Variants in MLIP observed in about 807,000 individuals in gnomAD.
MLIP encodes muscular LMNA-interacting protein.
A neutral mutation model predicts 84.8 loss-of-function variants in MLIP; 79 were observed. The ratio of observed to expected loss-of-function variants is 0.93; its 90% CI spans 0.78 to 1.12. MLIP has a LOEUF of 1.12. Ranked by LOEUF, MLIP falls within the 50% of genes most tolerant of loss-of-function variation. The pLI is 0.00. For synonymous variants in MLIP, 504 were observed against 463.0 expected (o/e 1.09, Z -1.14); for missense variants, 1,257 against 1,160.6 (o/e 1.08, Z -1.21).
rs889579334 is a variant in MLIP at position 54,095,447 on chromosome 6, C to CT, written c.64-25993dup. On this transcript the variant is annotated intron_variant, in intron 1 of 12. Coordinates refer to the MLIP transcript ENST00000274897. ...TAATAACTGTTATTTGTCTTTCGTG[C>CT]TTTTTTTCCCCACTGTTGCTGTCCT... 3.5e-4 allele frequency among the ~76,000 whole-genome samples: 53 copies of CT among 152,158 alleles called. No individual in the cohort carries two copies. The South Asian group carries it at 5.6e-3, about 16-fold the overall frequency.
At chr6:54,169,477 T>G (rs1391300660) in intron 8 of MLIP, 51 bp from the exon 9 acceptor site, 1 of 1,289,680 alleles carries the variant, frequency 7.8e-7, no homozygotes, top group Non-Finnish European at 1.1e-6. Flanking sequence ...TTGAGTCTAT[T>G]ATTATTTACT....
intron 1 of MLIP, chr6:54,043,399 T>C (rs1287033964): frequency 1.3e-5 from 2 of 152,206 alleles, no homozygotes; most frequent in Admixed American, 6.5e-5. Flanking sequence ...AAATGATCCA[T>C]CTTGAAAGGC....
At chr6:54,245,337 G>A (rs1392665873) in intron 12 of MLIP, among the ~76,000 whole-genome samples, 1 of 152,146 alleles carries the variant, frequency 6.6e-6, no homozygotes, top group Non-Finnish European at 1.5e-5. Context: ...GGCCAGCCTT[G>A]ACTTAATTCA....
At chr6:54,029,292 G>C (rs1763992934) in intron 1 of MLIP, 1 of 152,240 alleles carries the variant, frequency 6.6e-6, no homozygotes, top group African/African-American at 2.4e-5. Context: ...GGGCTTTTAA[G>C]AGGTGATGAA....
intron 9 of MLIP, among the ~76,000 whole-genome samples, chr6:54,174,946 T>C (rs1776135554): frequency 6.6e-6 from 1 of 151,922 alleles, no homozygotes; most frequent in African/African-American, 2.4e-5. Flanking sequence ...ATAGGGGGTC[T>C]AGTTTTATTC....
intron 1 of MLIP, among the ~76,000 whole-genome samples, chr6:54,093,040 C>G (rs1767964298): frequency 1.3e-5 from 2 of 152,050 alleles, no homozygotes; most frequent in South Asian, 2.1e-4. Context: ...CCATGCCCAG[C>G]TAATTTTTGT....
intron 2 of MLIP, among the ~76,000 whole-genome samples, chr6:54,123,100 A>T (rs1582200835): frequency 6.8e-6 from 1 of 147,900 alleles, no homozygotes; most frequent in Non-Finnish European, 1.5e-5. Flanking sequence ...CGCCCGGCTA[A>T]TTTTTTTTGT....
At chr6:54,232,245 T>C (rs576956133) in intron 12 of MLIP, among the ~76,000 whole-genome samples, 4 of 152,300 alleles carry the variant, frequency 2.6e-5, no homozygotes, top group African/African-American at 7.2e-5. Context: ...TAAATTGTCA[T>C]CTATATGATA....
chr6:54,220,625 G>A (rs1296950976), intron 11 of MLIP, among the ~76,000 whole-genome samples: 1 of 151,984 alleles, frequency 6.6e-6, no homozygotes. Context: ...TTATGCAGTT[G>A]GATCAAAGTA....
At chr6:54,084,373 G>T (rs1238355353) in intron 1 of MLIP, among the ~76,000 whole-genome samples, 1 of 152,124 alleles carries the variant, frequency 6.6e-6, no homozygotes, top group Non-Finnish European at 1.5e-5. Context: ...TTACTGCTGG[G>T]TGTGTCAAGC....
intron 11 of MLIP, chr6:54,215,304 A>G (rs988534319): frequency 2.1e-6 from 3 of 1,412,504 alleles, no homozygotes; most frequent in Non-Finnish European, 2.8e-6. Context: ...TGGCAAGAAC[A>G]TGGGCTCTTG....
intron 1 of MLIP, among the ~76,000 whole-genome samples, chr6:54,037,944 A>T (rs955137224): frequency 6.6e-6 from 1 of 151,988 alleles, no homozygotes; most frequent in Non-Finnish European, 1.5e-5. Flanking sequence ...TCTACTGATG[A>T]TATTTTTGTG....
intron 4 of MLIP, among the ~76,000 whole-genome samples, chr6:54,142,946 T>C (rs1772447529): frequency 6.6e-6 from 1 of 152,138 alleles, no homozygotes. Context: ...ACTAGCCTTA[T>C]GTGCTTTCTT....
chr6:54,160,859 A>G (rs959301196), intron 8 of MLIP, 60 bp downstream of exon 8: 2 of 1,401,520 alleles, frequency 1.4e-6, no homozygotes, highest in African/African-American at 2.9e-5. Flanking sequence ...AATGATTTCC[A>G]AACTGCAAGT....
At chr6:54,168,952 A>G (rs1469437353) in intron 8 of MLIP, among the ~76,000 whole-genome samples, 2 of 150,864 alleles carry the variant, frequency 1.3e-5, no homozygotes, top group African/African-American at 2.4e-5. Flanking sequence ...ATTAAATAAT[A>G]TGAGATAAGA....
At chr6:54,034,166 A>G (rs980576273) in intron 1 of MLIP, among the ~76,000 whole-genome samples, 1 of 152,218 alleles carries the variant, frequency 6.6e-6, no homozygotes, top group African/African-American at 2.4e-5. Flanking sequence ...AAAACGAACC[A>G]AAAAGAAAAT....
At chr6:54,208,005 G>A (rs1424760609) in intron 11 of MLIP, among the ~76,000 whole-genome samples, 2 of 152,118 alleles carry the variant, frequency 1.3e-5, no homozygotes, top group Non-Finnish European at 1.5e-5. Context: ...GCGGGTGCCT[G>A]TGGTCCCAGC....
At chr6:54,235,077 TG>T (rs2150817437) in intron 12 of MLIP, among the ~76,000 whole-genome samples, 1 of 152,362 alleles carries the variant, frequency 6.6e-6, no homozygotes, top group Admixed American at 6.5e-5. Flanking sequence ...TTTCTACTTC[TG>T]TGATGAAAAT....
chr6:54,140,085 T>C (rs1231389837), intron 4 of MLIP, among the ~76,000 whole-genome samples: 2 of 152,164 alleles, frequency 1.3e-5, no homozygotes, highest in Non-Finnish European at 2.9e-5. Context: ...TAAAATTTAT[T>C]TGTAGAGTAT....
Sources: gnomAD v4.1 joint callset for allele counts (sites outside exome capture counted in the v4.1 genomes callset) on GRCh38, gnomAD v4.1.1 for gene constraint, MANE v1.5 for transcripts, NCBI Gene and HGNC (gene_info 2026-07-23, HGNC 2026-07-21) for gene names.